Variants in KAZN observed in about 807,000 individuals in gnomAD.
KAZN encodes kazrin, periplakin interacting protein, also known as kazrin.
A neutral mutation model predicts 87.4 loss-of-function variants in KAZN; 40 were observed. The ratio of observed to expected loss-of-function variants is 0.46; its 90% confidence interval spans 0.36 to 0.60. The LOEUF is 0.60. KAZN is among the 20% of genes least tolerant of loss of function. The probability of loss-of-function intolerance (pLI) is 0.00; values close to 1 mark genes in which losing one functional copy is unlikely to be tolerated. For missense variants in KAZN, 898 were observed against 1,073.9 expected (o/e 0.84, Z 2.29); for synonymous variants, 466 against 458.3 (o/e 1.02, Z -0.22).
chr1:14,265,795 T>C (rs547376554), intron 2 of KAZN, among the ~76,000 whole-genome samples: 1 of 152,208 alleles, frequency 6.6e-6, no homozygotes, highest in Non-Finnish European at 1.5e-5. Context: ...TTGCAGATAG[T>C]GGAGGATGCT....
chr1:14,567,161 C>A (rs1374039672), intron 2 of KAZN, among the ~76,000 whole-genome samples: 1 of 152,044 alleles, frequency 6.6e-6, no homozygotes, highest in African/African-American at 2.4e-5. Context: ...TTCAGTTGAA[C>A]CCTTAGAGGT....
In KAZN at chr1:14,051,018, G is replaced by A. The variant is rs144138366; in HGVS notation, c.92-129417G>A. Among the ~76,000 whole-genome samples, 856 of 152,300 alleles carry A rather than the reference G, an allele frequency of 5.6e-3. 5 individuals carry two copies. The highest frequency in any genetic ancestry group is 0.01 in the Middle Eastern group (3 of 294). On this transcript the variant is annotated intron_variant, in intron 1 of 16. Transcript: ENST00000636203. ...AGTATAGATTTAATTCAGTACCATT[G>A]CAATAGAGGAGGGAGGCTTCAGCAA...
At chr1:14,521,521 G>A (rs868742950) in intron 2 of KAZN, among the ~76,000 whole-genome samples, 12 of 152,158 alleles carry the variant, frequency 7.9e-5, no homozygotes, top group Non-Finnish European at 1.8e-4. Flanking sequence ...AATTGAAAAA[G>A]CCCTTGCTTT....
At chr1:13,927,112 G>C (rs1044580238) in intron 1 of KAZN, among the ~76,000 whole-genome samples, 2 of 152,152 alleles carry the variant, frequency 1.3e-5, no homozygotes, top group Admixed American at 6.5e-5. Flanking sequence ...TCTTGTTTTT[G>C]TGTGTGACCC....
At chr1:13,946,436 C>A (rs1207262631) in intron 1 of KAZN, among the ~76,000 whole-genome samples, 1 of 152,074 alleles carries the variant, frequency 6.6e-6, no homozygotes, top group Admixed American at 6.5e-5. Context: ...ATAAAGTGAG[C>A]AATTTGAGGA....
At chr1:15,089,432 T>A (rs1157284589) in intron 8 of KAZN, among the ~76,000 whole-genome samples, 1 of 152,028 alleles carries the variant, frequency 6.6e-6, no homozygotes, top group Non-Finnish European at 1.5e-5. Context: ...GAGGACTTGT[T>A]CCCTCTGAAG....
rs201211061 is a variant in KAZN, at chr1:14,258,195, ATTCT to A, written c.249+77626_249+77629del. On this transcript the variant is annotated intron_variant, in intron 2 of 16. Transcript: ENST00000636203. ...ACTGTATTTTGGGAAACATTTCAAG[ATTCT>A]TTCTTTCTTTCTTTCTTTCTTTTTT... 7.7e-3 allele frequency among the ~76,000 whole-genome samples: 1,095 copies of A among 142,372 alleles called. 6 individuals are homozygous for A. Among genetic ancestry groups the A allele is most frequent in the Non-Finnish European group, 0.012 (774 of 66,344 alleles). 93.4% of individuals were successfully genotyped at this position (142,372 alleles called of 152,430 possible). A position where few individuals can be genotyped will look rare whatever the true frequency, so the allele number is the denominator to read the frequency against.
intron 2 of KAZN, among the ~76,000 whole-genome samples, chr1:14,521,530 T>C (rs1671590526): frequency 6.6e-6 from 1 of 152,206 alleles, no homozygotes; most frequent in Admixed American, 6.5e-5. Context: ...AGCCCTTGCT[T>C]TTTGAAGCTC....
At chr1:14,821,962 G>A (rs1011161375) in intron 1 of KAZN, among the ~76,000 whole-genome samples, 2 of 152,188 alleles carry the variant, frequency 1.3e-5, no homozygotes, top group Non-Finnish European at 2.9e-5. Context: ...CTCTTGCATC[G>A]TGAAATACTG....
At chr1:14,249,868 GA>G (rs111284230) in intron 2 of KAZN, among the ~76,000 whole-genome samples, 12 of 146,706 alleles carry the variant, frequency 8.2e-5, no homozygotes, top group Middle Eastern at 6.9e-3. Flanking sequence ...AATACTAAGT[GA>G]AAAAAAAAAC....
intron 1 of KAZN, among the ~76,000 whole-genome samples, chr1:14,061,149 G>A (rs1239435619): frequency 6.6e-6 from 1 of 152,212 alleles, no homozygotes; most frequent in African/African-American, 2.4e-5. Flanking sequence ...TATTCACAAA[G>A]GATAAGACTA....
At chr1:14,729,294 G>C (rs768470459) in intron 1 of KAZN, among the ~76,000 whole-genome samples, 4 of 152,278 alleles carry the variant, frequency 2.6e-5, no homozygotes, top group Admixed American at 2.6e-4. Flanking sequence ...GTGTTCCTTG[G>C]GCTCCAACTG....
At chr1:14,805,548 C>T (rs60185414) in intron 1 of KAZN, among the ~76,000 whole-genome samples, 1,944 of 152,146 alleles carry the variant, frequency 0.013, 44 homozygotes, top group African/African-American at 0.045. Flanking sequence ...AACCTGAGGT[C>T]AGGAGTTCGA....
intron 1 of KAZN, among the ~76,000 whole-genome samples, chr1:14,031,962 C>T (rs796076601): frequency 6.6e-6 from 1 of 152,094 alleles, no homozygotes; most frequent in Non-Finnish European, 1.5e-5. Context: ...CTGTTTTTTG[C>T]CCAAACAAAA....
intron 2 of KAZN, among the ~76,000 whole-genome samples, chr1:14,248,964 T>C (rs1415182708): frequency 6.6e-6 from 1 of 152,208 alleles, no homozygotes; most frequent in Non-Finnish European, 1.5e-5. Flanking sequence ...AGGCCATGCG[T>C]AGGTGCTCTG....
intron 1 of KAZN, among the ~76,000 whole-genome samples, chr1:13,937,444 G>C (rs1415414386): frequency 3.9e-5 from 6 of 152,148 alleles, no homozygotes; most frequent in Non-Finnish European, 7.3e-5. Context: ...CAGATGCATA[G>C]TTTGCAAATA....
At chr1:14,553,185 G>C (rs940638997) in intron 2 of KAZN, among the ~76,000 whole-genome samples, 1 of 152,102 alleles carries the variant, frequency 6.6e-6, no homozygotes, top group African/African-American at 2.4e-5. Flanking sequence ...GACCAGCCTG[G>C]CCAACATAGC....
chr1:14,301,292 A>G (rs1009783165), intron 2 of KAZN, among the ~76,000 whole-genome samples: 2 of 152,180 alleles, frequency 1.3e-5, no homozygotes, highest in Admixed American at 1.3e-4. Flanking sequence ...ACGGTAGAGG[A>G]GAGTTTGATC....
At chr1:14,082,369 A>T (rs955486927) in intron 1 of KAZN, among the ~76,000 whole-genome samples, 1 of 152,280 alleles carries the variant, frequency 6.6e-6, no homozygotes, top group East Asian at 1.9e-4. Flanking sequence ...CTTTGACAAG[A>T]TAGTCCAGGC....
Sources: allele counts gnomAD v4.1 joint callset (sites outside exome capture counted in the v4.1 genomes callset), GRCh38; gene constraint gnomAD v4.1.1; transcripts MANE v1.5; gene names NCBI Gene and HGNC (gene_info 2026-07-23, HGNC 2026-07-21).